MYL6: variants seen among roughly 807,000 people sequenced by gnomAD.
MYL6 encodes myosin light chain 6.
In MYL6, 20 loss-of-function variants were observed where a neutral mutation model predicts 20.3. The observed-to-expected ratio is 0.98, with a 90% CI of 0.69 to 1.43. The LOEUF (loss-of-function observed/expected upper bound fraction) is 1.43. Among genes scored for constraint, MYL6 ranks in the 40% most tolerant of loss-of-function variants. MYL6 has a pLI of 0.00. For synonymous variants in MYL6, 77 were observed against 72.4 expected (o/e 1.06, Z -0.32); for missense variants, 164 against 191.0 (o/e 0.86, Z 0.83).
In MYL6 at chr12:56,161,464, T is replaced by C. The variant is rs761651090; in HGVS notation, c.*94T>C. 1 of 1,605,498 alleles carries C rather than the reference T, an allele frequency of 6.2e-7. No individual in the cohort carries two copies. The stretch of plus-strand genomic sequence containing the variant: ...TCCGTGCCTTTCCCTGTGTGAATTT[T>C]GTATCTAGCCTAAAGTTTCCCTAGG... On this transcript the variant is annotated 3_prime_UTR_variant, in exon 7 of 7. Coordinates refer to ENST00000550697, the MANE Select transcript of MYL6 (RefSeq NM_021019.5).
chr12:56,158,615 TGTG>T, intron 1 of MYL6, 66 bp from the exon 2 acceptor site: 1 of 1,612,402 alleles, frequency 6.2e-7, no homozygotes, highest in Middle Eastern at 1.7e-4. Context: ...GGTCAGAGTT[TGTG>T]GGGCTGGGAT....
At chr12:56,160,565 C>T in intron 5 of MYL6, 61 bp from the exon 6 acceptor site, 1 of 1,575,472 alleles carries the variant, frequency 6.3e-7, no homozygotes, top group African/African-American at 1.3e-5. Flanking sequence ...TCCCCACTGC[C>T]TGACCCCTCA....
rs1565884402 is a variant in MYL6 at position 56,160,678 on chromosome 12, T to C, written c.*16+8T>C. On this transcript the variant is annotated splice_region_variant and intron_variant, in intron 6 of 6. Transcript: ENST00000550697. ...GACGGGCCCATGGGGCGGGTACGGC[T>C]CCTCCCAGCCTCTCCTCTAGTTGAT... The C allele has an allele frequency of 6.2e-7, 1 of 1,613,974 alleles. No individual in the cohort carries two copies. The highest frequency in any genetic ancestry group is 8.5e-7 in the Non-Finnish European group (1 of 1,179,916).
At chr12:56,158,594 C>T (rs1565882925) in intron 1 of MYL6, 90 bp from the exon 2 acceptor site, 4 of 1,594,070 alleles carry the variant, frequency 2.5e-6, no homozygotes, top group South Asian at 1.1e-5. Flanking sequence ...GTTTGTGGGT[C>T]AGAGTTTGTG....
intron 5 of MYL6, 67 bp from the exon 6 acceptor site, chr12:56,160,559 C>T: frequency 6.5e-7 from 1 of 1,543,590 alleles, no homozygotes; most frequent in South Asian, 1.1e-5. Context: ...TGTCTGTCCC[C>T]ACTGCCTGAC....
intron 6 of MYL6, chr12:56,161,055 G>C: frequency 1.8e-6 from 1 of 563,574 alleles, no homozygotes; most frequent in South Asian, 2.2e-5. Context: ...CCCTTCCCTC[G>C]CTGGGCAGCT....
chr12:56,160,434 A>G (rs2136917113), intron 5 of MYL6, 114 bp downstream of exon 5: 1 of 1,509,626 alleles, frequency 6.6e-7, no homozygotes, highest in East Asian at 2.3e-5. Context: ...CCAGGAGGCA[A>G]GGTGCAGGGC....
chr12:56,159,884 A>C, intron 3 of MYL6, 91 bp from the exon 4 acceptor site: 3 of 1,529,130 alleles, frequency 2.0e-6, no homozygotes, highest in Non-Finnish European at 1.8e-6. Flanking sequence ...GTCATCTGTC[A>C]TCTCTCTGTT....
At chr12:56,161,162 C>T (rs1461424982) in intron 6 of MYL6, 4 of 617,154 alleles carry the variant, frequency 6.5e-6, no homozygotes, top group Non-Finnish European at 8.8e-6. Flanking sequence ...CTGCTGTGTT[C>T]TTGCTGCTTA....
At chr12:56,161,111 G>A in intron 6 of MYL6, 1 of 590,396 alleles carries the variant, frequency 1.7e-6, no homozygotes, top group South Asian at 2.0e-5. Context: ...CCCGCCAGTG[G>A]CTGACAGTAG....
Position 56,159,630 on chromosome 12 carries a change from C to G in MYL6, c.75C>G (p.Gly25=). The change falls in exon 3 of 7, where the codon GGC becomes GGG. Residue 25 remains glycine, a synonymous_variant. Coordinates refer to ENST00000550697, the MANE Select transcript of MYL6 (RefSeq NM_021019.5). The part of the protein sequence containing the change: ...AFQLFDRTGD[G]KILYSQCGDV... ...AGCTGTTTGACCGAACAGGTGATGG[C>G]AAGATCCTGTACAGCCAGTGTGGGG... The G allele has an allele frequency of 1.9e-6, 3 of 1,614,000 alleles. No homozygotes were observed. The highest frequency in any genetic ancestry group is 2.5e-6 in the Non-Finnish European group (3 of 1,179,966).
At position 56,158,428 on chromosome 12, in the gene MYL6, G is replaced by A. The variant is rs765923515; in HGVS notation, c.3+24G>A. 7.1e-6 allele frequency: 11 copies of A among 1,538,794 alleles called. No individual in the cohort carries two copies. The South Asian group carries it at 1.1e-4, about 16-fold the overall frequency. ...TGGTGGGGCCCAGGTCTTGGGAGAC[G>A]GGCAGGATTGGGGACGAGAGGCAGG... On this transcript the variant is annotated intron_variant, in intron 1 of 6. Coordinates refer to ENST00000550697, the MANE Select transcript of MYL6 (RefSeq NM_021019.5).
chr12:56,160,615 C>T lies in MYL6; in HGVS notation c.428-11C>T. On this transcript the variant is annotated splice_polypyrimidine_tract_variant and intron_variant, in intron 5 of 6. Transcript: ENST00000550697. ...CTTGTCTTCACCATGAATGTCTCTT[C>T]CTTCCTGCAGCGTTTGTGAGGCATA... 6.2e-7 allele frequency: 1 copy of T among 1,614,252 alleles called. No homozygotes were observed. The highest frequency in any genetic ancestry group is 8.5e-7 in the Non-Finnish European group (1 of 1,180,030).
chr12:56,160,338 C>CTT lies in MYL6; in HGVS notation c.427+20_427+21dup. 2 of 1,614,050 alleles carry CTT rather than the reference C, an allele frequency of 1.2e-6. No homozygotes were observed. The highest frequency in any genetic ancestry group is 2.7e-5 in the African/African-American group (2 of 75,048). The stretch of plus-strand genomic sequence containing the variant: ...CTATGAAGGTAAGAGGTGAACTGCG[C>CTT]TTTCTCAGAGAAAGCAGCCATATGG... On this transcript the variant is annotated intron_variant, in intron 5 of 6. Coordinates refer to ENST00000550697, the MANE Select transcript of MYL6 (RefSeq NM_021019.5).
chr12:56,160,832 G>A, intron 6 of MYL6, 162 bp downstream of exon 6: 1 of 763,692 alleles, frequency 1.3e-6, no homozygotes, highest in Non-Finnish European at 2.1e-6. Flanking sequence ...CCTCAAAGAG[G>A]AAGACAACCT....
At chr12:56,158,983 G>C (rs1225390015) in intron 2 of MYL6, 6 of 1,349,004 alleles carry the variant, frequency 4.4e-6, no homozygotes, top group Non-Finnish European at 5.7e-6. Context: ...CTGTGTGTGG[G>C]GTCTCGGGAG....
Position 56,160,621 on chromosome 12 carries a change from TGCA to T in MYL6, c.428-2_428del, listed in dbSNP as rs866292340. 1.4e-5 allele frequency: 22 copies of T among 1,614,142 alleles called. No individual in the cohort carries two copies. Among genetic ancestry groups the T allele is most frequent in the East Asian group, 2.2e-5 (1 of 44,908 alleles). ...TTCACCATGAATGTCTCTTCCTTCC[TGCA>T]GCGTTTGTGAGGCATATCCTGTCGG... On this transcript the variant is annotated splice_acceptor_variant and splice_polypyrimidine_tract_variant and intron_variant, in intron 5 of 6. Coordinates refer to ENST00000550697, the MANE Select transcript of MYL6 (RefSeq NM_021019.5). LOFTEE classifies it high-confidence loss of function.
At chr12:56,159,902 G>T in intron 3 of MYL6, 73 bp from the exon 4 acceptor site, 1 of 1,542,208 alleles carries the variant, frequency 6.5e-7, no homozygotes, top group Non-Finnish European at 8.7e-7. Flanking sequence ...GTTCAGTTGA[G>T]GTCTCTATAA....
chr12:56,158,840 C>G lies in MYL6; in HGVS notation c.31+129C>G, dbSNP rs923952657. On this transcript the variant is annotated intron_variant, in intron 2 of 6. Transcript: ENST00000550697. Reference sequence around the variant, plus strand: ...ATGAGATTACCCCCTGGATTATTTTCTCTTCTTCTGGATCCTCCATTTTCT... The same window carrying G: ...ATGAGATTACCCCCTGGATTATTTTGTCTTCTTCTGGATCCTCCATTTTCT... The G allele has an allele frequency of 7.9e-6, 12 of 1,522,150 alleles. No homozygotes were observed. In the Admixed American group the frequency reaches 1.7e-4, roughly 22 times the overall value. 94.3% of individuals were successfully genotyped at this position (1,522,150 alleles called of 1,614,324 possible).
Sources: gnomAD v4.1 joint callset for allele counts on GRCh38, gnomAD v4.1.1 for gene constraint, MANE v1.5 for transcripts, NCBI Gene and HGNC (gene_info 2026-07-23, HGNC 2026-07-21) for gene names.